VRK1: variants seen among roughly 807,000 people sequenced by gnomAD.
The protein encoded by VRK1 is VRK serine/threonine kinase 1.
VRK1 carries 33 observed loss-of-function variants against 57.1 expected under a neutral mutation model. That is an observed-to-expected ratio of 0.58 (90% confidence interval 0.44 to 0.77). The LOEUF is 0.77. Among genes scored for constraint, VRK1 ranks in the 30% least tolerant of loss-of-function variants. The pLI, the probability that VRK1 is intolerant of heterozygous loss-of-function variation, is 0.00. For synonymous variants in VRK1, 137 were observed against 147.8 expected, an observed-to-expected ratio of 0.93 and a Z score of 0.53; for missense variants, 413 against 477.3, an observed-to-expected ratio of 0.87 and a Z score of 1.25.
chr14:96,870,269 A>G (rs1024224124), intron 11 of VRK1, among the ~76,000 whole-genome samples: 5 of 152,186 alleles, frequency 3.3e-5, no homozygotes, highest in African/African-American at 7.2e-5. Context: ...TGAAATCATT[A>G]TTATTATGCA....
At chr14:96,799,747 G>A (rs1363983234) in intron 1 of VRK1, among the ~76,000 whole-genome samples, 1 of 152,134 alleles carries the variant, frequency 6.6e-6, no homozygotes, top group Non-Finnish European at 1.5e-5. Flanking sequence ...TAGCTGAATA[G>A]GACTGGAGAA....
chr14:96,825,959 G>A (rs1419972499), intron 1 of VRK1, among the ~76,000 whole-genome samples: 1 of 152,052 alleles, frequency 6.6e-6, no homozygotes, highest in African/African-American at 2.4e-5. Context: ...TAATTTTCCA[G>A]TTTGTGTATG....
At chr14:96,863,330 A>G (rs1888461351) in intron 11 of VRK1, among the ~76,000 whole-genome samples, 1 of 152,216 alleles carries the variant, frequency 6.6e-6, no homozygotes, top group African/African-American at 2.4e-5. Flanking sequence ...TTAACATTCA[A>G]CAATTACATA....
chr14:96,846,653 C>G (rs1887705786), intron 4 of VRK1, among the ~76,000 whole-genome samples: 1 of 150,566 alleles, frequency 6.6e-6, no homozygotes, highest in African/African-American at 2.4e-5. Flanking sequence ...GGATAGTCCA[C>G]CCCCGTATTC....
At position 96,835,983 on chromosome 14, in the gene VRK1, A is replaced by G. The variant is rs531491992; in HGVS notation, c.161-1779A>G. Among the ~76,000 whole-genome samples the G allele has an allele frequency of 7.9e-5, 12 of 152,296 alleles. No individual in the cohort carries two copies. The East Asian group carries it at 1.7e-3, about 22-fold the overall frequency. ...TCTGATGACTCTCCAGTGTCCTTCA[A>G]ATAAGGTGCCAGACTTTTAAAGAGT... On this transcript the variant is annotated intron_variant, in intron 2 of 12. Transcript: ENST00000216639.
Position 96,856,517 on chromosome 14 carries a change from A to T in VRK1, c.831-11A>T, listed in dbSNP as rs892174765. 5 of 1,609,364 alleles carry T rather than the reference A, an allele frequency of 3.1e-6. No individual in the cohort carries two copies. The highest frequency in any genetic ancestry group is 4.3e-6 in the Non-Finnish European group (5 of 1,176,114). On this transcript the variant is annotated splice_polypyrimidine_tract_variant and intron_variant, in intron 9 of 12. Coordinates refer to ENST00000216639, the MANE Select transcript of VRK1 (RefSeq NM_003384.3). ...TCAAGCTTCAGTGACTCATTCTTTA[A>T]TTTTTAACAGATACAGAGAAAATAT...
At chr14:96,798,095 A>G (rs1566678280) in intron 1 of VRK1, among the ~76,000 whole-genome samples, 1 of 152,164 alleles carries the variant, frequency 6.6e-6, no homozygotes, top group Non-Finnish European at 1.5e-5. Context: ...TCCCTGTCAC[A>G]TCGCGGGGAG....
At chr14:96,876,832 T>A (rs1889055516) in intron 12 of VRK1, among the ~76,000 whole-genome samples, 2 of 151,510 alleles carry the variant, frequency 1.3e-5, no homozygotes, top group Non-Finnish European at 2.9e-5. Flanking sequence ...GTCATTTTTC[T>A]GAGATGGCTT....
intron 1 of VRK1, among the ~76,000 whole-genome samples, chr14:96,815,159 A>T (rs541898153): frequency 6.6e-6 from 1 of 152,314 alleles, no homozygotes; most frequent in South Asian, 2.1e-4. Context: ...AATATGACTA[A>T]TGTGATAACT....
At chr14:96,880,536 G>T (rs1889220424) in intron 12 of VRK1, among the ~76,000 whole-genome samples, 1 of 152,182 alleles carries the variant, frequency 6.6e-6, no homozygotes, top group African/African-American at 2.4e-5. Context: ...GAATTCCCAT[G>T]CCCCCAGCAG....
chr14:96,848,910 C>A (rs1186576569), intron 5 of VRK1, among the ~76,000 whole-genome samples: 2 of 152,148 alleles, frequency 1.3e-5, no homozygotes, highest in Non-Finnish European at 2.9e-5. Context: ...TTTAGAAAAT[C>A]ATTGAAGAGG....
At chr14:96,807,684 C>T (rs796619837) in intron 1 of VRK1, among the ~76,000 whole-genome samples, 8 of 152,230 alleles carry the variant, frequency 5.3e-5, no homozygotes, top group African/African-American at 1.9e-4. Flanking sequence ...AATAAAATCC[C>T]TGCATCTATC....
Position 96,833,385 on chromosome 14 carries a change from G to T in VRK1, c.-5-82G>T, listed in dbSNP as rs185063962. On this transcript the variant is annotated intron_variant, in intron 1 of 12. Coordinates refer to ENST00000216639, the MANE Select transcript of VRK1 (RefSeq NM_003384.3). The stretch of plus-strand genomic sequence containing the variant: ...AAGTAGGAATTTGAACAGCATCTCC[G>T]TACGGAAGTTTTCCTTAGGGAAAAA... The T allele has an allele frequency of 1.0e-4, 161 of 1,539,034 alleles. 2 individuals are homozygous for T. The East Asian group carries it at 1.7e-3, about 17-fold the overall frequency.
chr14:96,880,173 T>C (rs1388236971), intron 12 of VRK1, among the ~76,000 whole-genome samples: 1 of 152,172 alleles, frequency 6.6e-6, no homozygotes, highest in Non-Finnish European at 1.5e-5. Context: ...TTGGAAAAAT[T>C]AAAAATGCTA....
intron 11 of VRK1, among the ~76,000 whole-genome samples, chr14:96,868,587 T>A (rs187636106): frequency 6.6e-6 from 1 of 152,242 alleles, no homozygotes. Context: ...CATACTATTT[T>A]TTGATCTCTG....
At chr14:96,850,449 A>T (rs987465767) in intron 5 of VRK1, among the ~76,000 whole-genome samples, 8 of 152,128 alleles carry the variant, frequency 5.3e-5, no homozygotes, top group African/African-American at 1.9e-4. Flanking sequence ...TCATTTTACT[A>T]CTCAATGGTA....
chr14:96,877,653 G>A, intron 12 of VRK1: 1 of 1,283,920 alleles, frequency 7.8e-7, no homozygotes, highest in Non-Finnish European at 1.0e-6. Context: ...TTTTAAAACT[G>A]GCAATTTTAG....
At chr14:96,855,128 C>T (rs534746980) in intron 7 of VRK1, 96 bp from the exon 8 acceptor site, 3 of 1,573,296 alleles carry the variant, frequency 1.9e-6, no homozygotes, top group Admixed American at 1.7e-5. Flanking sequence ...GTAGGTGAAC[C>T]CACCTTCAGA....
chr14:96,851,875 T>G (rs1025262325), intron 5 of VRK1, among the ~76,000 whole-genome samples: 5 of 152,226 alleles, frequency 3.3e-5, no homozygotes, highest in Non-Finnish European at 7.3e-5. Context: ...GCTGTGTGCA[T>G]ACCAGGTGTT....
Sources: gnomAD v4.1 joint callset for allele counts (sites outside exome capture counted in the v4.1 genomes callset) on GRCh38, gnomAD v4.1.1 for gene constraint, MANE v1.5 for transcripts, NCBI Gene and HGNC (gene_info 2026-07-23, HGNC 2026-07-21) for gene names.